Variants in KCNH2 observed in about 807,000 individuals in gnomAD.
The protein encoded by KCNH2 is potassium voltage-gated channel subfamily H member 2.
In KCNH2, 35 loss-of-function variants were observed where a neutral mutation model predicts 95.9. The observed-to-expected ratio is 0.37, with a 90% CI of 0.28 to 0.48. The LOEUF is 0.48. Ranked by LOEUF, KCNH2 falls within the 20% of genes least tolerant of loss-of-function variation. The pLI is 0.99. For synonymous variants in KCNH2, 786 were observed against 754.7 expected, an observed-to-expected ratio of 1.04 and a Z score of -0.68; for missense variants, 1,274 against 1,702.9, an observed-to-expected ratio of 0.75 and a Z score of 4.43.
At chr7:150,975,308 G>A (rs1486527083) in intron 1 of KCNH2, among the ~76,000 whole-genome samples, 1 of 152,224 alleles carries the variant, frequency 6.6e-6, no homozygotes, top group Non-Finnish European at 1.5e-5. Context: ...GGCCTAGAAA[G>A]GGAGCCTGGG....
In KCNH2 at chr7:150,950,778, T is replaced by C. The variant is rs575860666; in HGVS notation, c.2145+143A>G. The stretch of plus-strand genomic sequence containing the variant: ...GGTTCCAAGGGCTTCCATTTCCTCA[T>C]GGGCAAAAAGGGGCAACGTGCCTCC... On this transcript the variant is annotated intron_variant, in intron 8 of 14. Coordinates refer to ENST00000262186, the MANE Select transcript of KCNH2 (RefSeq NM_000238.4). 1.5e-5 allele frequency: 13 copies of C among 895,970 alleles called. No individual in the cohort carries two copies. In the African/African-American group the frequency reaches 1.8e-4, roughly 12 times the overall value. 55.5% of individuals were successfully genotyped at this position (895,970 alleles called of 1,614,324 possible). A position where few individuals can be genotyped will look rare whatever the true frequency, so the allele number is the denominator to read the frequency against.
rs886062089 is a variant in KCNH2 at position 150,957,458 on chromosome 7, C to G, written c.961G>C (p.Asp321His). 7 of 1,614,128 alleles carry G rather than the reference C, an allele frequency of 4.3e-6. No homozygotes were observed. Among genetic ancestry groups the G allele is most frequent in the Non-Finnish European group, 4.2e-6 (5 of 1,180,030 alleles). Residue 321 changes from aspartate to histidine, a missense_variant, in exon 5 of 15, where the codon GAC becomes CAC. This residue lies in a region of KCNH2 where 392 missense variants were observed against 429.9 expected (regional missense o/e 0.91). Coordinates refer to ENST00000262186, the MANE Select transcript of KCNH2 (RefSeq NM_000238.4). ...LRSGLLNSTS[D>H]SDLVRYRTIS... ...GTGCGGTAGCGCACGAGGTCGGAGTCCGAGGTGGAGTTGAGCAAGCCGCTG... is the reference window on the plus strand; with the variant it reads ...GTGCGGTAGCGCACGAGGTCGGAGTGCGAGGTGGAGTTGAGCAAGCCGCTG...
intron 2 of KCNH2, among the ~76,000 whole-genome samples, chr7:150,963,990 G>A (rs1801636414): frequency 6.6e-6 from 1 of 152,222 alleles, no homozygotes; most frequent in African/African-American, 2.4e-5. Context: ...TCTACCTGGG[G>A]TGGGGGGCAC....
At chr7:150,965,586 C>A (rs1206736763) in intron 2 of KCNH2, among the ~76,000 whole-genome samples, 1 of 152,086 alleles carries the variant, frequency 6.6e-6, no homozygotes, top group Non-Finnish European at 1.5e-5. Flanking sequence ...ATGGCCCCCA[C>A]CCCTCTTCCC....
In KCNH2 at chr7:150,948,908, T is replaced by G; in HGVS notation, c.2540A>C (p.Glu847Ala). Residue 847 changes from glutamate (E) to alanine (A), a missense_variant, in exon 10 of 15, where the codon GAG (glutamate) becomes GCG (alanine). By Grantham distance (107) the Glu-to-Ala change is moderately radical (BLOSUM62 -1). Around this residue, in one of 7 missense-constraint regions of KCNH2, gnomAD observed 159 missense variants for 282.5 expected, o/e 0.56. Coordinates refer to ENST00000262186, the MANE Select transcript of KCNH2 (RefSeq NM_000238.4). ...GCTGGACCAGAAGTGGTCGGAGAAC[T>G]CAGGGTACATGTCCAGCACCTCCAG... ...DLLEVLDMYP[E>A]FSDHFWSSLE... 6.2e-7 allele frequency: 1 copy of G among 1,614,206 alleles called. No homozygotes were observed. The highest frequency in any genetic ancestry group is 1.3e-5 in the African/African-American group (1 of 75,056).
chr7:150,974,791 C>T lies in KCNH2; in HGVS notation c.227G>A (p.Arg76His), dbSNP rs868054429. ...CDFLHGPRTQRRAAAQIAQAL... is the reference protein window; with the variant it reads ...CDFLHGPRTQHRAAAQIAQAL... Reference sequence around the variant, plus strand: ...CTGCGCGATCTGCGCGGCAGCGCGGCGCTGCGTGCGCGGCCCGTGCAGGAA... The same window carrying T: ...CTGCGCGATCTGCGCGGCAGCGCGGTGCTGCGTGCGCGGCCCGTGCAGGAA... Residue 76 changes from arginine (R) to histidine (H), a missense_variant, in exon 2 of 15, where the codon CGC (arginine) becomes CAC (histidine). This residue lies in a region of KCNH2 where 85 missense variants were observed against 174.7 expected (regional missense o/e 0.49). Transcript: ENST00000262186. The T allele has an allele frequency of 1.2e-6, 2 of 1,604,410 alleles. No individual in the cohort carries two copies. The highest frequency in any genetic ancestry group is 2.2e-5 in the South Asian group (2 of 90,164).
rs1016101226 is a variant in KCNH2, at chr7:150,947,467, G to A, written c.3013C>T (p.Arg1005Trp). 36 of 1,573,662 alleles carry A rather than the reference G, an allele frequency of 2.3e-5. No homozygotes were observed. Among genetic ancestry groups the A allele is most frequent in the Non-Finnish European group, 3.0e-5 (35 of 1,160,522 alleles). ...GGGAGCTCCTGGTACTGGCGGCCCC[G>A]ACTGTCCCCCCAGAAGCTGAAAATG... is the stretch of plus-strand genomic sequence containing the variant. ...SNIFSFWGDS[R>W]GRQYQELPRC... Residue 1005 changes from arginine to tryptophan, a missense_variant, in exon 13 of 15, where the codon CGG (arginine) becomes TGG (tryptophan). By Grantham distance (101) the Arg-to-Trp change is moderately radical. Transcript: ENST00000262186.
intron 1 of KCNH2, among the ~76,000 whole-genome samples, chr7:150,975,300 C>T (rs1188307347): frequency 6.6e-6 from 1 of 152,184 alleles, no homozygotes; most frequent in Non-Finnish European, 1.5e-5. Context: ...AAACACTGGG[C>T]CTAGAAAGGG....
rs1042768712 is a variant in KCNH2, at chr7:150,962,790, T to G, written c.308-3054A>C. ...GGCAGGGGCTGGGGCGGGGGAGATC[T>G]AGCGATCATCAAGGGGATGTGGAAG... On this transcript the variant is annotated intron_variant, in intron 2 of 14. Transcript: ENST00000262186. This position sits in a 1 kb window ranked among gnomAD's most constrained non-coding sequence, Gnocchi z 5.7. Among the ~76,000 whole-genome samples the G allele has an allele frequency of 3.3e-5, 5 of 152,048 alleles. No homozygotes were observed. The highest frequency in any genetic ancestry group is 2.0e-4 in the Admixed American group (3 of 15,276).
chr7:150,977,741 C>T (rs1427113469), intron 1 of KCNH2, 97 bp downstream of exon 1: 28 of 1,079,568 alleles, frequency 2.6e-5, no homozygotes, highest in East Asian at 8.4e-5. Context: ...TCGCACTTGC[C>T]GACGCACACG....
chr7:150,947,873 C>T lies in KCNH2; in HGVS notation c.2698G>A (p.Glu900Lys). Residue 900 changes from glutamate to lysine, a missense_variant, in exon 12 of 15, where the codon GAG (glutamate) becomes AAG (lysine). Physicochemically the swap from Glu to Lys is moderately conservative, Grantham distance 56. Transcript: ENST00000262186. ...SFRRRTDKDT[E>K]QPGEVSALGP... ...AAGGCCGACACCTCCCCTGGCTGCT[C>T]CGTGTCTGTGGGAAACAGAGAATGG... The T allele has an allele frequency of 1.2e-5, 19 of 1,530,510 alleles. No individual in the cohort carries two copies. The highest frequency in any genetic ancestry group is 1.6e-5 in the Non-Finnish European group (18 of 1,144,626). The allele number at this position is 1,530,510 out of a possible 1,614,324, so 94.8% of individuals were successfully genotyped here. A position where few individuals can be genotyped will look rare whatever the true frequency, so the allele number is the denominator to read the frequency against.
At chr7:150,958,962 G>C (rs193192601) in intron 3 of KCNH2, among the ~76,000 whole-genome samples, 2 of 152,356 alleles carry the variant, frequency 1.3e-5, no homozygotes, top group Admixed American at 1.3e-4. Context: ...AAGAAACCAA[G>C]AGGTGAGCAC....
chr7:150,952,848 CA>C lies in KCNH2; in HGVS notation c.1133del (p.Leu378ArgfsTer56). 6.2e-7 allele frequency: 1 copy of C among 1,613,356 alleles called. No homozygotes were observed. The highest frequency in any genetic ancestry group is 1.1e-5 in the South Asian group (1 of 91,074). On this transcript the variant is annotated frameshift_variant, in exon 6 of 15. Coordinates refer to ENST00000262186, the MANE Select transcript of KCNH2 (RefSeq NM_000238.4). LOFTEE classifies it high-confidence loss of function. This position sits in a 1 kb window ranked among gnomAD's most constrained non-coding sequence, Gnocchi z 7.3. ...CAGGCAGCACGTCGGCGCCCAGGGA[CA>C]GGACCTGCACCCGGGGAAGGCGGAG... ...HNVTEKVTQV[L>X]SLGADVLPEY...
chr7:150,955,680 G>T, intron 5 of KCNH2: 1 of 1,394,246 alleles, frequency 7.2e-7, no homozygotes, highest in Non-Finnish European at 9.3e-7. Context: ...CAGGGCTGGG[G>T]TCACCCTGGC....
intron 4 of KCNH2, among the ~76,000 whole-genome samples, 164 bp downstream of exon 4, chr7:150,957,895 G>A (rs771322123): frequency 1.3e-5 from 2 of 152,200 alleles, no homozygotes; most frequent in East Asian, 1.9e-4. Context: ...ATTTAATAGC[G>A]CAACAAGCCA....
chr7:150,966,335 G>A (rs1190721365), intron 2 of KCNH2, among the ~76,000 whole-genome samples: 1 of 149,712 alleles, frequency 6.7e-6, no homozygotes, highest in Non-Finnish European at 1.5e-5. Flanking sequence ...TCTGCCATGA[G>A]TCACAGCTTA....
At position 150,955,420 on chromosome 7, in the gene KCNH2, G is replaced by A. The variant is rs1554426874; in HGVS notation, c.1128+1871C>T. 6.4e-7 allele frequency: 1 copy of A among 1,564,418 alleles called. No individual in the cohort carries two copies. The highest frequency in any genetic ancestry group is 8.7e-7 in the Non-Finnish European group (1 of 1,155,122). On this transcript the variant is annotated intron_variant, in intron 5 of 14. Transcript: ENST00000262186. ...CCTCCTGGGCCACGAGGCTGGAGAT[G>A]CGCACGGCCCGCCTCACCCGGCCTT...
intron 3 of KCNH2, among the ~76,000 whole-genome samples, 191 bp from the exon 4 acceptor site, chr7:150,958,693 G>T (rs540814504): frequency 1.3e-5 from 2 of 152,280 alleles, no homozygotes; most frequent in Admixed American, 6.5e-5. Flanking sequence ...ATCATAAACC[G>T]CCATATCTGA....
chr7:150,959,447 A>T, intron 3 of KCNH2, 125 bp downstream of exon 3: 1 of 1,209,030 alleles, frequency 8.3e-7, no homozygotes, highest in Non-Finnish European at 1.2e-6. Flanking sequence ...CCACCTCCAA[A>T]GGGGGGACCC....
Sources: allele counts gnomAD v4.1 joint callset (sites outside exome capture counted in the v4.1 genomes callset), GRCh38; gene constraint gnomAD v4.1.1; regional missense constraint gnomAD v4.1.1; non-coding constraint Gnocchi (gnomAD v3.1); transcripts MANE v1.5; gene names NCBI Gene and HGNC (gene_info 2026-07-23, HGNC 2026-07-21).